Variants in LRP1B observed in about 807,000 individuals in gnomAD.
The protein encoded by LRP1B is LDL receptor related protein 1B.
Under a neutral mutation model 556.6 loss-of-function variants are expected in LRP1B, and 217 were observed. The ratio of observed to expected loss-of-function variants is 0.39; its 90% CI spans 0.35 to 0.44. The LOEUF is 0.44. LRP1B is among the 20% of genes least tolerant of loss of function. The probability of loss-of-function intolerance (pLI) is 1.00; values close to 1 mark genes in which losing one functional copy is unlikely to be tolerated. For synonymous variants in LRP1B, 2,047 were observed against 1,865.8 expected, an observed-to-expected ratio of 1.10 and a Z score of -2.50; for missense variants, 5,053 against 5,620.8, an observed-to-expected ratio of 0.90 and a Z score of 3.23.
intron 4 of LRP1B, among the ~76,000 whole-genome samples, chr2:141,247,753 A>C (rs1684119762): frequency 2.0e-5 from 3 of 152,196 alleles, no homozygotes. Context: ...AGATTAAATA[A>C]GAGTTCTGAG....
Position 141,075,458 on chromosome 2 carries a change from T to C in LRP1B, c.1014-13185A>G, listed in dbSNP as rs542885141. 2.6e-5 allele frequency among the ~76,000 whole-genome samples: 4 copies of C among 152,314 alleles called. No homozygotes were observed. In the East Asian group the frequency reaches 7.7e-4, roughly 29 times the overall value. Reference sequence around the variant, plus strand: ...CATTTAATACAAAGAATGGAGTTTATGTTTTGGCATATTTTCATGACCAAG... The same window carrying C: ...CATTTAATACAAAGAATGGAGTTTACGTTTTGGCATATTTTCATGACCAAG... On this transcript the variant is annotated intron_variant, in intron 7 of 90. Coordinates refer to ENST00000389484, the MANE Select transcript of LRP1B (RefSeq NM_018557.3).
At chr2:140,663,027 C>T (rs1002923998) in intron 41 of LRP1B, among the ~76,000 whole-genome samples, 1 of 152,072 alleles carries the variant, frequency 6.6e-6, no homozygotes. Flanking sequence ...TATAAAAATG[C>T]TTTTAAGTAA....
At chr2:141,930,396 C>G (rs762462062) in intron 1 of LRP1B, among the ~76,000 whole-genome samples, 4 of 152,026 alleles carry the variant, frequency 2.6e-5, no homozygotes, top group Non-Finnish European at 5.9e-5. Flanking sequence ...ATACATCTAT[C>G]TGTCCTAAAT....
intron 55 of LRP1B, among the ~76,000 whole-genome samples, chr2:140,496,327 A>T (rs1688935592): frequency 6.6e-6 from 1 of 152,094 alleles, no homozygotes; most frequent in Non-Finnish European, 1.5e-5. Context: ...TAGCATGAAG[A>T]TGGAGCTGTT....
intron 3 of LRP1B, among the ~76,000 whole-genome samples, chr2:141,320,303 C>A (rs1002284447): frequency 1.3e-5 from 2 of 152,036 alleles, no homozygotes; most frequent in Non-Finnish European, 2.9e-5. Flanking sequence ...CTCCTAGAAT[C>A]CTTTTTCTTC....
chr2:140,589,629 A>G (rs997987313), intron 43 of LRP1B, among the ~76,000 whole-genome samples: 2 of 152,212 alleles, frequency 1.3e-5, no homozygotes, highest in African/African-American at 4.8e-5. Context: ...CAGACTAGTC[A>G]TATTTGCAAC....
chr2:140,501,358 G>A (rs1191966969), intron 55 of LRP1B, among the ~76,000 whole-genome samples: 1 of 151,986 alleles, frequency 6.6e-6, no homozygotes, highest in East Asian at 1.9e-4. Flanking sequence ...AATGAGGGAA[G>A]AAATGGAAAC....
intron 1 of LRP1B, among the ~76,000 whole-genome samples, chr2:142,045,359 C>T (rs539978185): frequency 1.3e-5 from 2 of 151,766 alleles, no homozygotes; most frequent in South Asian, 2.1e-4. Flanking sequence ...TCATCGTCAC[C>T]GTGCTTGCTT....
At chr2:142,117,357 ATTC>A (rs1288310146) in intron 1 of LRP1B, among the ~76,000 whole-genome samples, 5 of 152,094 alleles carry the variant, frequency 3.3e-5, no homozygotes, top group South Asian at 4.1e-4. Context: ...TCATCCTCGT[ATTC>A]TTCTTTCCGA....
chr2:141,114,781 T>C (rs1264580957), intron 7 of LRP1B, among the ~76,000 whole-genome samples: 2 of 152,114 alleles, frequency 1.3e-5, no homozygotes, highest in Non-Finnish European at 2.9e-5. Flanking sequence ...GCCTCCTGTT[T>C]GTATAAATTG....
chr2:140,710,525 A>C (rs1445681847), intron 37 of LRP1B, among the ~76,000 whole-genome samples: 4 of 152,026 alleles, frequency 2.6e-5, no homozygotes, highest in Non-Finnish European at 5.9e-5. Flanking sequence ...CTATATATGC[A>C]TGATTTACAT....
At position 141,517,029 on chromosome 2, in the gene LRP1B, A is replaced by AAAAAAAAAAAAAAAC. The variant is rs772472942; in HGVS notation, c.206-36497_206-36496insGTTTTTTTTTTTTTT. On this transcript the variant is annotated intron_variant, in intron 2 of 90. Transcript: ENST00000389484. ...TAAAAAAAAAAAAAAAAAAAAAAAA[A>AAAAAAAAAAAAAAAC]AAAGTAAATCAATGAAATAATTTAA... 5.8e-4 allele frequency among the ~76,000 whole-genome samples: 52 copies of AAAAAAAAAAAAAAAC among 90,174 alleles called. 11 individuals carry two copies. The highest frequency in any genetic ancestry group is 8.5e-4 in the Non-Finnish European group (40 of 46,904). The allele number at this position is 90,174 out of a possible 152,430, so 59.2% of individuals were successfully genotyped here.
At chr2:140,327,559 A>G (rs1183488369) in intron 79 of LRP1B, among the ~76,000 whole-genome samples, 1 of 152,078 alleles carries the variant, frequency 6.6e-6, no homozygotes, top group Admixed American at 6.6e-5. Context: ...CCTATAGTTC[A>G]AAACAGTTGA....
At chr2:140,760,376 G>A (rs1226148593) in intron 35 of LRP1B, among the ~76,000 whole-genome samples, 1 of 152,148 alleles carries the variant, frequency 6.6e-6, no homozygotes, top group African/African-American at 2.4e-5. Flanking sequence ...ATACCAATAT[G>A]ACAACTAACA....
At chr2:141,324,655 T>C (rs1419300765) in intron 3 of LRP1B, among the ~76,000 whole-genome samples, 1 of 152,108 alleles carries the variant, frequency 6.6e-6, no homozygotes, top group Non-Finnish European at 1.5e-5. Context: ...GTCTAATAAA[T>C]GCTACTAAAT....
chr2:140,666,163 T>C (rs1428472414), intron 41 of LRP1B, among the ~76,000 whole-genome samples: 1 of 151,876 alleles, frequency 6.6e-6, no homozygotes, highest in Non-Finnish European at 1.5e-5. Flanking sequence ...CCGGCTAATT[T>C]TTTGTATTTT....
intron 18 of LRP1B, among the ~76,000 whole-genome samples, chr2:140,964,426 C>T (rs971409078): frequency 1.3e-5 from 2 of 152,084 alleles, no homozygotes; most frequent in African/African-American, 4.8e-5. Context: ...TCCCCTTTCC[C>T]GGTCTGCTAA....
chr2:140,646,472 A>C (rs1335943591), intron 41 of LRP1B, among the ~76,000 whole-genome samples: 1 of 152,188 alleles, frequency 6.6e-6, no homozygotes, highest in African/African-American at 2.4e-5. Context: ...AGGGAGTTAA[A>C]TGACTTTTCT....
intron 43 of LRP1B, among the ~76,000 whole-genome samples, chr2:140,544,766 A>G (rs926448151): frequency 1.4e-4 from 22 of 152,114 alleles, no homozygotes; most frequent in Non-Finnish European, 5.9e-5. Context: ...TATTGTGAGT[A>G]GGGCTGTAAT....
Sources: gnomAD v4.1 joint callset for allele counts (sites outside exome capture counted in the v4.1 genomes callset) on GRCh38, gnomAD v4.1.1 for gene constraint, MANE v1.5 for transcripts, NCBI Gene and HGNC (gene_info 2026-07-23, HGNC 2026-07-21) for gene names.